SCAPER: variants seen among roughly 807,000 people sequenced by gnomAD.
The protein encoded by SCAPER is S phase cyclin A-associated protein in the endoplasmic reticulum.
SCAPER carries 98 observed loss-of-function variants against 182.2 expected under a neutral mutation model. The observed-to-expected ratio is 0.54, with a 90% confidence interval of 0.46 to 0.64. SCAPER has a LOEUF of 0.64. Among genes scored for constraint, SCAPER ranks in the 30% least tolerant of loss-of-function variants. The pLI, the probability that SCAPER is intolerant of heterozygous loss-of-function variation, is 0.00. For missense variants in SCAPER, 1,432 were observed against 1,690.0 expected, an observed-to-expected ratio of 0.85 and a Z score of 2.68; for synonymous variants, 605 against 564.6, an observed-to-expected ratio of 1.07 and a Z score of -1.01.
intron 17 of SCAPER, among the ~76,000 whole-genome samples, chr15:76,726,128 T>TATATATATATAA (rs1555555720): frequency 1.6e-4 from 18 of 112,792 alleles, no homozygotes; most frequent in African/African-American, 6.3e-4. Flanking sequence ...GTCTAGAATA[T>TATATATATATAA]ATATATATAT....
chr15:76,808,163 A>C (rs1233356219), intron 5 of SCAPER, among the ~76,000 whole-genome samples: 1 of 152,168 alleles, frequency 6.6e-6, no homozygotes, highest in Admixed American at 6.5e-5. Context: ...ACTAGCCCCC[A>C]GTTTCTCCAC....
chr15:76,694,452 A>C (rs908272885), intron 20 of SCAPER, among the ~76,000 whole-genome samples: 1 of 152,142 alleles, frequency 6.6e-6, no homozygotes, highest in African/African-American at 2.4e-5. Context: ...GTATGCATTA[A>C]TATACAAATC....
chr15:76,504,862 G>T lies in SCAPER; in HGVS notation c.2951C>A (p.Pro984His). Residue 984 changes from proline (P) to histidine (H), a missense_variant, in exon 24 of 32, where the codon CCT becomes CAT. Around this residue, in one of 5 missense-constraint regions of SCAPER, gnomAD observed 718 missense variants for 799.7 expected, o/e 0.90. Transcript: ENST00000563290. The stretch of plus-strand genomic sequence containing the variant: ...TAGATTAAGAAACTATACTTACTTA[G>T]GAGGAATTCTTAAAACTGTGTTCAC... ...TNVNTVLRIP[P>H]KSLCNAINVY... 6.2e-7 allele frequency: 1 copy of T among 1,604,916 alleles called. No individual in the cohort carries two copies.
chr15:76,655,450 A>T (rs1020846381), intron 21 of SCAPER, among the ~76,000 whole-genome samples: 9 of 152,216 alleles, frequency 5.9e-5, no homozygotes, highest in African/African-American at 2.2e-4. Context: ...GAGAAAAAGC[A>T]AGCAACCTGG....
intron 22 of SCAPER, among the ~76,000 whole-genome samples, chr15:76,579,774 A>G (rs1047547588): frequency 2.0e-5 from 3 of 152,200 alleles, no homozygotes; most frequent in African/African-American, 7.2e-5. Flanking sequence ...GTTGCCTACA[A>G]GAAACAAATT....
At chr15:76,667,751 G>A (rs1466465447) in intron 20 of SCAPER, among the ~76,000 whole-genome samples, 3 of 149,854 alleles carry the variant, frequency 2.0e-5, no homozygotes, top group Admixed American at 6.7e-5. Flanking sequence ...GCAAGAGTTC[G>A]AGACCAGCCT....
intron 14 of SCAPER, among the ~76,000 whole-genome samples, chr15:76,756,436 G>C (rs1390091040): frequency 2.0e-5 from 3 of 151,950 alleles, no homozygotes; most frequent in Non-Finnish European, 2.9e-5. Context: ...AATTTAACCA[G>C]GCAAGATGGC....
At chr15:76,836,912 G>T (rs934615025) in intron 5 of SCAPER, among the ~76,000 whole-genome samples, 10 of 151,884 alleles carry the variant, frequency 6.6e-5, no homozygotes, top group African/African-American at 1.9e-4. Flanking sequence ...TAATTGTAAA[G>T]CCTCAAATTA....
At chr15:76,349,732 C>T (rs910667058) in intron 31 of SCAPER, 2 of 151,514 alleles carry the variant, frequency 1.3e-5, no homozygotes, top group African/African-American at 4.9e-5. Flanking sequence ...AAGGAGAGAC[C>T]AATTCCCCCT....
At chr15:76,869,872 GA>G (rs1236770934) in intron 2 of SCAPER, among the ~76,000 whole-genome samples, 1 of 151,996 alleles carries the variant, frequency 6.6e-6, no homozygotes, top group Admixed American at 6.6e-5. Flanking sequence ...GATGAATAAA[GA>G]AAAAGTATTA....
At chr15:76,843,926 T>C (rs1314110515) in intron 4 of SCAPER, among the ~76,000 whole-genome samples, 2 of 152,222 alleles carry the variant, frequency 1.3e-5, no homozygotes, top group Non-Finnish European at 2.9e-5. Flanking sequence ...CATGATATAC[T>C]TGCTATGTGC....
chr15:76,541,597 C>T (rs2044758016), intron 23 of SCAPER, among the ~76,000 whole-genome samples: 1 of 152,102 alleles, frequency 6.6e-6, no homozygotes, highest in African/African-American at 2.4e-5. Context: ...GAATTACTGC[C>T]CACTTCTATA....
intron 20 of SCAPER, among the ~76,000 whole-genome samples, chr15:76,688,185 A>G (rs1211468787): frequency 1.3e-5 from 2 of 149,800 alleles, no homozygotes; most frequent in African/African-American, 4.9e-5. Context: ...TTCTCTAATG[A>G]CCAGTGATGA....
intron 21 of SCAPER, among the ~76,000 whole-genome samples, chr15:76,632,652 G>A (rs1184900988): frequency 4.6e-5 from 7 of 152,208 alleles, no homozygotes; most frequent in African/African-American, 7.2e-5. Context: ...TGCTGGAGAC[G>A]TGTTGTGATC....
At chr15:76,413,646 G>A (rs1395713934) in intron 26 of SCAPER, among the ~76,000 whole-genome samples, 1 of 152,174 alleles carries the variant, frequency 6.6e-6, no homozygotes, top group Non-Finnish European at 1.5e-5. Flanking sequence ...GTATAGTAAA[G>A]ATAGTGTCTA....
At chr15:76,471,726 C>A (rs1191201325) in intron 24 of SCAPER, among the ~76,000 whole-genome samples, 1 of 152,042 alleles carries the variant, frequency 6.6e-6, no homozygotes. Context: ...ATCACCTGGT[C>A]CGGGATAAGA....
At chr15:76,470,637 A>T (rs1159553660) in intron 25 of SCAPER, among the ~76,000 whole-genome samples, 1 of 152,112 alleles carries the variant, frequency 6.6e-6, no homozygotes, top group Non-Finnish European at 1.5e-5. Flanking sequence ...ACATACTTAA[A>T]CCTTTGGCTA....
At chr15:76,718,031 C>T (rs1286245370) in intron 17 of SCAPER, among the ~76,000 whole-genome samples, 1 of 152,094 alleles carries the variant, frequency 6.6e-6, no homozygotes, top group African/African-American at 2.4e-5. Context: ...AACCACAAAA[C>T]AAGTCGTCTT....
At chr15:76,857,715 A>G (rs1404437798) in intron 4 of SCAPER, 94 bp downstream of exon 4, 4 of 834,716 alleles carry the variant, frequency 4.8e-6, no homozygotes, top group Non-Finnish European at 5.5e-6. Context: ...GATAAATAAT[A>G]TTCAAATCCT....
Sources: allele counts gnomAD v4.1 joint callset (sites outside exome capture counted in the v4.1 genomes callset), GRCh38; gene constraint gnomAD v4.1.1; regional missense constraint gnomAD v4.1.1; transcripts MANE v1.5; gene names NCBI Gene and HGNC (gene_info 2026-07-23, HGNC 2026-07-21).